GLRA1: variants seen among roughly 807,000 people sequenced by gnomAD.
GLRA1 encodes glycine receptor alpha 1, also known as glycine receptor subunit alpha-1.
Under a neutral mutation model 48.3 loss-of-function variants are expected in GLRA1, and 37 were observed. That is an observed-to-expected ratio of 0.77 (90% CI 0.59 to 1.01). The LOEUF is 1.01. GLRA1 is among the 50% of genes least tolerant of loss of function. The pLI is 0.00. For synonymous variants in GLRA1, 196 were observed against 210.7 expected (o/e 0.93, Z 0.60); for missense variants, 427 against 571.0 (o/e 0.75, Z 2.57).
At chr5:151,828,832 A>G in intron 8 of GLRA1, 89 bp downstream of exon 8, 26 of 1,336,952 alleles carry the variant, frequency 1.9e-5, no homozygotes, top group Non-Finnish European at 2.5e-5. Flanking sequence ...AGGATGGACC[A>G]TTGAAACAAA....
chr5:151,907,220 A>G (rs550638308), intron 1 of GLRA1, among the ~76,000 whole-genome samples: 3 of 152,332 alleles, frequency 2.0e-5, no homozygotes, highest in South Asian at 4.1e-4. Flanking sequence ...TTGTTTAGCC[A>G]AGAAGCTGGT....
chr5:151,839,845 G>A (rs865932502), intron 7 of GLRA1, among the ~76,000 whole-genome samples: 1 of 152,274 alleles, frequency 6.6e-6, no homozygotes, highest in Middle Eastern at 3.4e-3. Context: ...CTGCCACCTT[G>A]ATTTTGGACT....
chr5:151,850,413 AG>A, intron 7 of GLRA1: 3 of 1,223,758 alleles, frequency 2.5e-6, no homozygotes, highest in Non-Finnish European at 2.4e-6. Context: ...TCCTGGGAAC[AG>A]GAAGTGTTCA....
intron 3 of GLRA1, 48 bp from the exon 4 acceptor site, chr5:151,860,056 A>G (rs1231488212): frequency 6.8e-7 from 1 of 1,461,880 alleles, no homozygotes; most frequent in South Asian, 1.1e-5. Flanking sequence ...GCCCAAGGAC[A>G]TCAACTTTTG....
intron 3 of GLRA1, among the ~76,000 whole-genome samples, chr5:151,864,116 C>T (rs1234289420): frequency 6.7e-6 from 1 of 149,072 alleles, no homozygotes; most frequent in Non-Finnish European, 1.5e-5. Context: ...CTCCTTCTCC[C>T]TTGGATTTTG....
chr5:151,855,889 C>T (rs1316454868), intron 5 of GLRA1, among the ~76,000 whole-genome samples: 8 of 152,348 alleles, frequency 5.3e-5, no homozygotes, highest in African/African-American at 1.4e-4. Context: ...CTTTCTGCCA[C>T]GAGGCCACAG....
intron 1 of GLRA1, among the ~76,000 whole-genome samples, chr5:151,894,778 G>A (rs1380835368): frequency 2.6e-5 from 4 of 152,258 alleles, no homozygotes; most frequent in Admixed American, 2.6e-4. Flanking sequence ...CTAGTAAAAA[G>A]TGTTCATAAA....
chr5:151,855,017 A>C (rs771822701), intron 6 of GLRA1, 23 bp downstream of exon 6: 1 of 1,612,914 alleles, frequency 6.2e-7, no homozygotes. Context: ...GTGGGATCTG[A>C]GGAGGGTGGC....
At chr5:151,856,249 A>C (rs536582208) in intron 5 of GLRA1, 52 bp downstream of exon 5, 31 of 1,261,430 alleles carry the variant, frequency 2.5e-5, no homozygotes, top group African/African-American at 1.3e-4. Flanking sequence ...TGCCTATCCC[A>C]TGGGTAAAAA....
At chr5:151,864,139 ATG>A (rs5872230) in intron 3 of GLRA1, among the ~76,000 whole-genome samples, 3,006 of 150,032 alleles carry the variant, frequency 0.02, 112 homozygotes, top group African/African-American at 0.07. Context: ...TGAAGTGTGC[ATG>A]TGTGTGTGTG....
rs76393986 is a variant in GLRA1, at chr5:151,895,850, C to T, written c.57-3412G>A. Among the ~76,000 whole-genome samples, 835 of 152,214 alleles carry T rather than the reference C, an allele frequency of 5.5e-3. 9 individuals carry two copies. Among genetic ancestry groups the T allele is most frequent in the African/African-American group, 0.019 (785 of 41,528 alleles). ...GTGTGGGCAGAGGGGACCACAGGCACGCAACTAGTGATTTATGACTTTTCT... is the reference window on the plus strand; with the variant it reads ...GTGTGGGCAGAGGGGACCACAGGCATGCAACTAGTGATTTATGACTTTTCT... On this transcript the variant is annotated intron_variant, in intron 1 of 8. Coordinates refer to ENST00000274576, the MANE Select transcript of GLRA1 (RefSeq NM_000171.4).
intron 1 of GLRA1, among the ~76,000 whole-genome samples, chr5:151,905,736 G>A (rs1754459173): frequency 2.0e-5 from 3 of 152,026 alleles, no homozygotes; most frequent in South Asian, 2.1e-4. Context: ...TGAAGTCAAC[G>A]GTGAGTAAGT....
intron 3 of GLRA1, among the ~76,000 whole-genome samples, chr5:151,876,192 A>G (rs1374774519): frequency 6.6e-6 from 1 of 152,126 alleles, no homozygotes; most frequent in Non-Finnish European, 1.5e-5. Context: ...CCCTTCCCCT[A>G]TACCCCGTTG....
intron 7 of GLRA1, among the ~76,000 whole-genome samples, chr5:151,843,085 A>G (rs1763750434): frequency 6.6e-6 from 1 of 152,164 alleles, no homozygotes; most frequent in Admixed American, 6.5e-5. Flanking sequence ...CTTTTTTGAA[A>G]GAAATTAAAG....
intron 7 of GLRA1, among the ~76,000 whole-genome samples, chr5:151,844,161 C>T (rs550053221): frequency 1.5e-3 from 201 of 132,202 alleles, no homozygotes; most frequent in African/African-American, 5.5e-3. Context: ...CAGAGTGAGA[C>T]TATGTCTTAA....
At chr5:151,917,013 A>G (rs1284487689) in intron 1 of GLRA1, among the ~76,000 whole-genome samples, 1 of 152,214 alleles carries the variant, frequency 6.6e-6, no homozygotes, top group East Asian at 1.9e-4. Flanking sequence ...TATGGACTCT[A>G]GAGACGATAT....
intron 7 of GLRA1, among the ~76,000 whole-genome samples, chr5:151,829,426 G>A (rs1015063306): frequency 3.3e-5 from 5 of 152,152 alleles, no homozygotes; most frequent in African/African-American, 7.2e-5. Flanking sequence ...AAATGGCATC[G>A]TAAGGACCTG....
Position 151,856,478 on chromosome 5 carries a change from A to G in GLRA1, c.477-95T>C, listed in dbSNP as rs7725327. 332,812 of 802,540 alleles carry G rather than the reference A, an allele frequency of 0.41. 70,830 individuals are homozygous for G. Among genetic ancestry groups the G allele is most frequent in the African/African-American group, 0.56 (32,801 of 59,100 alleles). 49.7% of individuals were successfully genotyped at this position (802,540 alleles called of 1,614,324 possible). On this transcript the variant is annotated intron_variant, in intron 4 of 8. Transcript: ENST00000274576. The stretch of plus-strand genomic sequence containing the variant: ...ATTGTTAGAAAATCAGTTGCCCAGG[A>G]TAGGGAAAGAAGGTCAGGGAACTTG...
intron 1 of GLRA1, among the ~76,000 whole-genome samples, chr5:151,907,286 T>G (rs1191365673): frequency 6.6e-6 from 1 of 152,234 alleles, no homozygotes; most frequent in Admixed American, 6.5e-5. Flanking sequence ...TCTTTCTATT[T>G]GTATCTGTGG....
Sources: allele counts gnomAD v4.1 joint callset (sites outside exome capture counted in the v4.1 genomes callset), GRCh38; gene constraint gnomAD v4.1.1; transcripts MANE v1.5; gene names NCBI Gene and HGNC (gene_info 2026-07-23, HGNC 2026-07-21).